NELL2: variants seen among roughly 807,000 people sequenced by gnomAD.
The protein encoded by NELL2 is protein kinase C-binding protein NELL2.
NELL2 carries 41 observed loss-of-function variants against 109.6 expected under a neutral mutation model. The ratio of observed to expected loss-of-function variants is 0.37; its 90% CI spans 0.29 to 0.49. NELL2 has a LOEUF of 0.49. Among genes scored for constraint, NELL2 ranks in the 20% least tolerant of loss-of-function variants. The probability of loss-of-function intolerance (pLI) is 0.98; values close to 1 mark genes in which losing one functional copy is unlikely to be tolerated. For missense variants in NELL2, 900 were observed against 1,008.3 expected (o/e 0.89, Z 1.45); for synonymous variants, 355 against 344.7 (o/e 1.03, Z -0.33).
In NELL2 at chr12:44,508,682, T is replaced by C. The variant is rs1940836866; in HGVS notation, c.*252A>G. On this transcript the variant is annotated 3_prime_UTR_variant, in exon 20 of 20. Coordinates refer to ENST00000429094, the MANE Select transcript of NELL2 (RefSeq NM_001145108.2). ...CCAGGGTTCAGGATGTCACGGTATATACTGTACGCCCATTCTTCTACATGG... is the reference window on the plus strand; with the variant it reads ...CCAGGGTTCAGGATGTCACGGTATACACTGTACGCCCATTCTTCTACATGG... The C allele has an allele frequency of 4.2e-6, 2 of 475,408 alleles. No homozygotes were observed. The highest frequency in any genetic ancestry group is 3.7e-5 in the Admixed American group (1 of 27,240). The allele number at this position is 475,408 out of a possible 1,614,324, so 29.4% of individuals were successfully genotyped here. A position where few individuals can be genotyped will look rare whatever the true frequency, so the allele number is the denominator to read the frequency against.
chr12:44,620,269 C>T (rs958290712), intron 13 of NELL2, among the ~76,000 whole-genome samples: 5 of 152,018 alleles, frequency 3.3e-5, no homozygotes, highest in African/African-American at 1.2e-4. Context: ...GTTTAACGAC[C>T]GCCACTTACA....
intron 3 of NELL2, among the ~76,000 whole-genome samples, chr12:44,781,434 C>T (rs996714823): frequency 4.0e-5 from 6 of 151,790 alleles, no homozygotes; most frequent in African/African-American, 1.4e-4. Flanking sequence ...CACTAGCATC[C>T]GAGAAAGAGA....
In NELL2 at chr12:44,791,132, T is replaced by C. The variant is rs182812320; in HGVS notation, c.336-11110A>G. 6.9e-3 allele frequency among the ~76,000 whole-genome samples: 568 copies of C among 82,778 alleles called. 45 individuals carry two copies. Among genetic ancestry groups the C allele is most frequent in the African/African-American group, 0.026 (541 of 21,036 alleles). 54.3% of individuals were successfully genotyped at this position (82,778 alleles called of 152,430 possible). On this transcript the variant is annotated intron_variant, in intron 3 of 19. Transcript: ENST00000429094. ...ATGTATATATATATGTATATATATATATACACACGCACACACATACACACA... is the reference window on the plus strand; with the variant it reads ...ATGTATATATATATGTATATATATACATACACACGCACACACATACACACA...
chr12:44,879,214 C>A (rs1945383979), upstream of NELL2, among the ~76,000 whole-genome samples: 1 of 152,058 alleles, frequency 6.6e-6, no homozygotes, highest in South Asian at 2.1e-4. Context: ...CTTAGAGCCT[C>A]CAGAAAAGAA....
At chr12:44,784,941 A>G (rs771788106) in intron 3 of NELL2, among the ~76,000 whole-genome samples, 3 of 152,238 alleles carry the variant, frequency 2.0e-5, no homozygotes, top group Non-Finnish European at 4.4e-5. Context: ...AATGGGCAAA[A>G]GCTGGAAGCA....
chr12:44,644,580 G>GTATA lies in NELL2; in HGVS notation c.1444+20900_1444+20903dup, dbSNP rs138161908. Among the ~76,000 whole-genome samples the GTATA allele has an allele frequency of 4.8e-3, 404 of 84,356 alleles. 6 individuals are homozygous for GTATA. Among genetic ancestry groups the GTATA allele is most frequent in the East Asian group, 9.0e-3 (22 of 2,452 alleles). The allele number at this position is 84,356 out of a possible 152,430, so 55.3% of individuals were successfully genotyped here. A position where few individuals can be genotyped will look rare whatever the true frequency, so the allele number is the denominator to read the frequency against. Reference sequence around the variant, plus strand: ...GACATCCTATACCAGACAAAGTAAAGTATATATATATATATATATATATGT... The same window carrying GTATA: ...GACATCCTATACCAGACAAAGTAAAGTATATATATATATATATATATATATATGT... On this transcript the variant is annotated intron_variant, in intron 13 of 19. Coordinates refer to ENST00000429094, the MANE Select transcript of NELL2 (RefSeq NM_001145108.2).
intron 9 of NELL2, among the ~76,000 whole-genome samples, chr12:44,738,898 C>G (rs1939791968): frequency 6.6e-6 from 1 of 152,050 alleles, no homozygotes. Context: ...ATACATGTAT[C>G]TATATTTTTA....
At chr12:44,550,419 T>A (rs1222839603) in intron 15 of NELL2, among the ~76,000 whole-genome samples, 2 of 151,036 alleles carry the variant, frequency 1.3e-5, no homozygotes, top group Non-Finnish European at 3.0e-5. Flanking sequence ...GGCTAATTTT[T>A]TTTTTTTTGT....
At chr12:44,795,083 C>T (rs990952753) in intron 3 of NELL2, among the ~76,000 whole-genome samples, 1 of 152,108 alleles carries the variant, frequency 6.6e-6, no homozygotes, top group Non-Finnish European at 1.5e-5. Flanking sequence ...TTAACAACCT[C>T]CTTCATCACT....
intron 19 of NELL2, among the ~76,000 whole-genome samples, chr12:44,512,631 C>T (rs1941050096): frequency 6.6e-6 from 1 of 151,974 alleles, no homozygotes; most frequent in Admixed American, 6.6e-5. Flanking sequence ...CAATGGAATA[C>T]CATCCAGACA....
At chr12:44,575,903 G>C (rs896441240) in intron 15 of NELL2, among the ~76,000 whole-genome samples, 2 of 152,012 alleles carry the variant, frequency 1.3e-5, no homozygotes, top group African/African-American at 4.8e-5. Flanking sequence ...CTTCTCTTTG[G>C]CTGGAGGGTG....
At chr12:44,636,766 A>C (rs2136293799) in intron 13 of NELL2, among the ~76,000 whole-genome samples, 1 of 152,188 alleles carries the variant, frequency 6.6e-6, no homozygotes, top group East Asian at 1.9e-4. Context: ...TGTCTCTGCC[A>C]GGTTTTGGTA....
intron 1 of NELL2, among the ~76,000 whole-genome samples, chr12:44,891,365 G>A (rs1020358020): frequency 6.6e-6 from 1 of 152,146 alleles, no homozygotes; most frequent in African/African-American, 2.4e-5. Flanking sequence ...CCAATCCCTA[G>A]CAGATTCACA....
intron 3 of NELL2, among the ~76,000 whole-genome samples, chr12:44,805,191 C>A (rs1198360406): frequency 6.6e-6 from 1 of 151,706 alleles, no homozygotes; most frequent in Non-Finnish European, 1.5e-5. Flanking sequence ...ACTACATTAA[C>A]CCATAAATGT....
At position 44,791,183 on chromosome 12, in the gene NELL2, CATATATATATAT is replaced by C. The variant is rs748283455; in HGVS notation, c.336-11173_336-11162del. Among the ~76,000 whole-genome samples the C allele has an allele frequency of 7.0e-3, 106 of 15,096 alleles. 1 individual carries two copies. Among genetic ancestry groups the C allele is most frequent in the South Asian group, 0.024 (4 of 166 alleles). The allele number at this position is 15,096 out of a possible 152,430, so 9.9% of individuals were successfully genotyped here. A position where few individuals can be genotyped will look rare whatever the true frequency, so the allele number is the denominator to read the frequency against. ...CACACACACATATATAGTATTCCAT[CATATATATATAT>C]ATATATATATATATATATATATATA... is the stretch of plus-strand genomic sequence containing the variant. On this transcript the variant is annotated intron_variant, in intron 3 of 19. Transcript: ENST00000429094.
At chr12:44,875,588 G>A (rs771168639) in intron 1 of NELL2, 2 of 1,613,562 alleles carry the variant, frequency 1.2e-6, no homozygotes, top group Non-Finnish European at 1.7e-6. Context: ...TCTCTGCAAA[G>A]TTCCCCCTCA....
intron 15 of NELL2, among the ~76,000 whole-genome samples, chr12:44,568,303 A>G (rs1261430202): frequency 6.6e-6 from 1 of 152,182 alleles, no homozygotes; most frequent in Non-Finnish European, 1.5e-5. Flanking sequence ...AACCTTAAGT[A>G]ATGTGTTTCC....
At chr12:44,641,881 G>C (rs972761649) in intron 13 of NELL2, among the ~76,000 whole-genome samples, 1 of 151,874 alleles carries the variant, frequency 6.6e-6, no homozygotes, top group Non-Finnish European at 1.5e-5. Context: ...CATGTTAGTA[G>C]AGAAAGGGTT....
At chr12:44,658,832 G>A (rs1290541698) in intron 13 of NELL2, among the ~76,000 whole-genome samples, 1 of 127,996 alleles carries the variant, frequency 7.8e-6, no homozygotes, top group Non-Finnish European at 1.5e-5. Flanking sequence ...AGCCAAGATC[G>A]CACCACTGCA....
Sources: gnomAD v4.1 joint callset for allele counts (sites outside exome capture counted in the v4.1 genomes callset) on GRCh38, gnomAD v4.1.1 for gene constraint, MANE v1.5 for transcripts, NCBI Gene and HGNC (gene_info 2026-07-23, HGNC 2026-07-21) for gene names.